The following LPP variants were observed in gnomAD, a reference collection of about 807,000 sequenced individuals.
The protein encoded by LPP is LIM domain containing preferred translocation partner in lipoma, also known as lipoma-preferred partner.
A neutral mutation model predicts 60.4 loss-of-function variants in LPP; 38 were observed. The ratio of observed to expected loss-of-function variants is 0.63; its 90% CI spans 0.49 to 0.83. The LOEUF (loss-of-function observed/expected upper bound fraction) is 0.83, where lower values mean the gene tolerates loss of function less well. Ranked by LOEUF, LPP falls within the 40% of genes least tolerant of loss-of-function variation. The pLI is 0.00. For synonymous variants in LPP, 328 were observed against 290.8 expected (o/e 1.13, Z -1.30); for missense variants, 902 against 783.6 (o/e 1.15, Z -1.80).
intron 2 of LPP, among the ~76,000 whole-genome samples, chr3:188,252,278 G>T (rs192739577): frequency 1.5e-5 from 2 of 136,662 alleles, no homozygotes; most frequent in African/African-American, 2.7e-5. Context: ...CTCTGATTTC[G>T]TAAATTTTTT....
At chr3:188,412,718 C>G (rs761618855) in intron 4 of LPP, among the ~76,000 whole-genome samples, 1 of 151,956 alleles carries the variant, frequency 6.6e-6, no homozygotes, top group South Asian at 2.1e-4. Context: ...AAATGGTGAC[C>G]CTTTTTACAA....
At chr3:188,752,212 G>T (rs1251921559) in intron 8 of LPP, among the ~76,000 whole-genome samples, 1 of 152,172 alleles carries the variant, frequency 6.6e-6, no homozygotes, top group Non-Finnish European at 1.5e-5. Context: ...GCCTAGAAAA[G>T]GTTACTGCAG....
At chr3:188,518,925 T>C (rs1172865811) in intron 5 of LPP, among the ~76,000 whole-genome samples, 2 of 152,156 alleles carry the variant, frequency 1.3e-5, no homozygotes, top group African/African-American at 4.8e-5. Flanking sequence ...ACTTTTCAGT[T>C]AGTCCTGCTC....
chr3:188,792,357 C>G lies in LPP; in HGVS notation c.1410+32075C>G, dbSNP rs949355517. 5.3e-5 allele frequency among the ~76,000 whole-genome samples: 8 copies of G among 152,340 alleles called. No homozygotes were observed. In the East Asian group the frequency reaches 1.5e-3, roughly 29 times the overall value. On this transcript the variant is annotated intron_variant, in intron 9 of 11. Transcript: ENST00000617246. ...CTTGGGAGCAGCTCCATACTCACCT[C>G]CTTTGCCTGCTTACCGCAAGCTCAC...
chr3:188,729,453 A>G (rs1719626462), intron 8 of LPP, among the ~76,000 whole-genome samples: 1 of 152,230 alleles, frequency 6.6e-6, no homozygotes, highest in African/African-American at 2.4e-5. Flanking sequence ...CTACTGCTGT[A>G]TACCACTTGG....
intron 7 of LPP, among the ~76,000 whole-genome samples, chr3:188,630,118 A>G (rs1423153177): frequency 6.6e-6 from 1 of 152,080 alleles, no homozygotes. Flanking sequence ...ACAAAAATTG[A>G]CAAGTGAGAC....
At chr3:188,668,256 C>CT (rs1856224438) in intron 7 of LPP, among the ~76,000 whole-genome samples, 1 of 151,950 alleles carries the variant, frequency 6.6e-6, no homozygotes, top group African/African-American at 2.4e-5. Flanking sequence ...GTTAAGTTAG[C>CT]TTTTTTTCTT....
chr3:188,466,841 A>ATATATATATATATATATATATATATAT (rs1560442091), intron 4 of LPP, among the ~76,000 whole-genome samples: 1 of 138,162 alleles, frequency 7.2e-6, no homozygotes, highest in Non-Finnish European at 1.6e-5. Context: ...ATATATATAT[A>ATATATATATATATATATATATATATAT]TGCTGTGTAA....
intron 1 of LPP, among the ~76,000 whole-genome samples, chr3:188,203,563 ATAAATATATATTTAAATATATATATATT>A (rs1732152560): frequency 9.8e-6 from 1 of 102,198 alleles, no homozygotes; most frequent in Non-Finnish European, 1.8e-5. Context: ...TTAAATATAT[ATAAATATATATTTAAATATATATATATT>A]TAAATATATA....
At chr3:188,856,971 T>C (rs1378612453) in intron 9 of LPP, among the ~76,000 whole-genome samples, 1 of 152,126 alleles carries the variant, frequency 6.6e-6, no homozygotes, top group East Asian at 1.9e-4. Flanking sequence ...ATTATGTTAA[T>C]TTTATCATAT....
intron 4 of LPP, among the ~76,000 whole-genome samples, chr3:188,453,939 A>G (rs1249824192): frequency 6.6e-6 from 1 of 152,142 alleles, no homozygotes; most frequent in East Asian, 1.9e-4. Context: ...TTATCCTATT[A>G]CATTCTTCTC....
chr3:188,300,659 A>G (rs1212984152), intron 2 of LPP, among the ~76,000 whole-genome samples: 1 of 152,160 alleles, frequency 6.6e-6, no homozygotes, highest in Non-Finnish European at 1.5e-5. Context: ...TTATTAATAA[A>G]ACATTAGTTA....
intron 1 of LPP, among the ~76,000 whole-genome samples, chr3:188,172,422 T>G (rs1721844390): frequency 6.6e-6 from 1 of 152,230 alleles, no homozygotes; most frequent in African/African-American, 2.4e-5. Context: ...AGTTAATACA[T>G]ATAAAGCCCT....
At chr3:188,816,576 T>C (rs561228216) in intron 9 of LPP, among the ~76,000 whole-genome samples, 1 of 152,296 alleles carries the variant, frequency 6.6e-6, no homozygotes, top group African/African-American at 2.4e-5. Flanking sequence ...GCAGAGCTTA[T>C]ACCTCCCTTC....
intron 3 of LPP, among the ~76,000 whole-genome samples, chr3:188,367,188 A>C (rs559631288): frequency 0.037 from 5,671 of 152,022 alleles, 146 homozygotes; most frequent in Non-Finnish European, 0.061. Context: ...GAGCCACTGC[A>C]CCTGGCCAGA....
At chr3:188,586,804 T>A (rs988415228) in intron 6 of LPP, among the ~76,000 whole-genome samples, 1 of 151,316 alleles carries the variant, frequency 6.6e-6, no homozygotes, top group Non-Finnish European at 1.5e-5. Context: ...CTTGGCTCAC[T>A]GCAACCTCCA....
At chr3:188,235,165 G>C (rs1721437418) in intron 2 of LPP, among the ~76,000 whole-genome samples, 1 of 152,214 alleles carries the variant, frequency 6.6e-6, no homozygotes, top group South Asian at 2.1e-4. Flanking sequence ...GGAGGAGAGA[G>C]CAGAGCAGGT....
chr3:188,372,692 T>A (rs2151087560), intron 3 of LPP, among the ~76,000 whole-genome samples: 1 of 151,594 alleles, frequency 6.6e-6, no homozygotes, highest in East Asian at 1.9e-4. Flanking sequence ...TGGCTTCTTT[T>A]TGTTTTTTTT....
At chr3:188,238,940 C>CT (rs1272588263) in intron 2 of LPP, among the ~76,000 whole-genome samples, 1 of 152,134 alleles carries the variant, frequency 6.6e-6, no homozygotes, top group African/African-American at 2.4e-5. Flanking sequence ...TGCAATAAAA[C>CT]AAGATATGCC....
Sources: gnomAD v4.1 joint callset for allele counts (sites outside exome capture counted in the v4.1 genomes callset) on GRCh38, gnomAD v4.1.1 for gene constraint, MANE v1.5 for transcripts, NCBI Gene and HGNC (gene_info 2026-07-23, HGNC 2026-07-21) for gene names.